Variants in KHDRBS2 observed in about 807,000 individuals in gnomAD.
The protein encoded by KHDRBS2 is KH domain-containing, RNA-binding, signal transduction-associated protein 2.
KHDRBS2 carries 26 observed loss-of-function variants against 44.3 expected under a neutral mutation model. The ratio of observed to expected loss-of-function variants is 0.59; its 90% confidence interval spans 0.43 to 0.81. The LOEUF (loss-of-function observed/expected upper bound fraction) is 0.81, where lower values mean the gene tolerates loss of function less well. KHDRBS2 is among the 40% of genes least tolerant of loss of function. The pLI, the probability that KHDRBS2 is intolerant of heterozygous loss-of-function variation, is 0.00. For missense variants in KHDRBS2, 476 were observed against 433.1 expected (o/e 1.10, Z -0.88); for synonymous variants, 194 against 151.1 (o/e 1.28, Z -2.08).
At chr6:61,622,940 C>G in the KHDRBS2 span, among the ~76,000 whole-genome samples, 1 of 151,924 alleles carries the variant, frequency 6.6e-6, no homozygotes, top group East Asian at 1.9e-4. Context: ...AGAAAGAGAG[C>G]CAATTTGGAG....
intron 4 of KHDRBS2, among the ~76,000 whole-genome samples, chr6:61,971,829 T>C (rs1771490303): frequency 6.6e-6 from 1 of 152,190 alleles, no homozygotes; most frequent in East Asian, 1.9e-4. Flanking sequence ...CCAATCTGGT[T>C]TCCCATTTCC....
At chr6:62,085,127 GA>G (rs1562820726) in intron 2 of KHDRBS2, among the ~76,000 whole-genome samples, 1 of 152,090 alleles carries the variant, frequency 6.6e-6, no homozygotes, top group African/African-American at 2.4e-5. Context: ...TACTCATTCT[GA>G]TATTAAGAAC....
intron 2 of KHDRBS2, among the ~76,000 whole-genome samples, chr6:62,080,051 C>T (rs895246646): frequency 6.6e-6 from 1 of 151,812 alleles, no homozygotes; most frequent in Admixed American, 6.6e-5. Flanking sequence ...AAATAAAATG[C>T]AAATTTAAAT....
chr6:61,938,200 T>A (rs528158802), intron 4 of KHDRBS2, among the ~76,000 whole-genome samples: 1 of 152,082 alleles, frequency 6.6e-6, no homozygotes, highest in Non-Finnish European at 1.5e-5. Flanking sequence ...AGAAAACACA[T>A]TTTTCAAAAA....
chr6:61,621,909 T>C, the KHDRBS2 span, among the ~76,000 whole-genome samples: 1 of 152,194 alleles, frequency 6.6e-6, no homozygotes, highest in Non-Finnish European at 1.5e-5. Context: ...ATTTAGGTAT[T>C]CTTTAGCACC....
At chr6:61,866,845 C>G (rs1400193877) in intron 6 of KHDRBS2, among the ~76,000 whole-genome samples, 6 of 152,204 alleles carry the variant, frequency 3.9e-5, no homozygotes, top group Non-Finnish European at 5.9e-5. Flanking sequence ...TAACAAGAGT[C>G]ACCTTTGCTC....
At chr6:62,255,638 A>G (rs1474209568) in intron 1 of KHDRBS2, among the ~76,000 whole-genome samples, 1 of 149,928 alleles carries the variant, frequency 6.7e-6, no homozygotes, top group Non-Finnish European at 1.5e-5. Flanking sequence ...ACACACACAC[A>G]CACACACACA....
Position 62,229,417 on chromosome 6 carries a change from C to T in KHDRBS2, c.92-52105G>A, listed in dbSNP as rs541393110. On this transcript the variant is annotated intron_variant, in intron 1 of 8. Transcript: ENST00000281156. ...ATAGAGATGGCTGCTGCCCTTCCCC[C>T]GCTCTGGGAGATTAGTGTGTTAGGC... 4.6e-5 allele frequency among the ~76,000 whole-genome samples: 7 copies of T among 152,276 alleles called. No homozygotes were observed. The South Asian group carries it at 6.2e-4, about 14-fold the overall frequency.
chr6:62,059,198 GTTTTTTTTTTTTTTTTTT>G (rs398001756), intron 2 of KHDRBS2, among the ~76,000 whole-genome samples: 22 of 24,876 alleles, frequency 8.8e-4, no homozygotes, highest in East Asian at 4.3e-3. Flanking sequence ...AAGTTAGGAA[GTTTTTTTTTTTTTTTTTT>G]TTTTTTTTTT....
intron 2 of KHDRBS2, among the ~76,000 whole-genome samples, chr6:62,095,103 C>A (rs1471561947): frequency 6.6e-6 from 1 of 151,578 alleles, no homozygotes; most frequent in African/African-American, 2.4e-5. Context: ...ATGAAGAATG[C>A]CATTGGTATT....
intron 1 of KHDRBS2, among the ~76,000 whole-genome samples, chr6:62,258,341 T>C (rs980713716): frequency 2.0e-5 from 3 of 152,068 alleles, no homozygotes; most frequent in African/African-American, 7.2e-5. Flanking sequence ...TTAATACGGA[T>C]ATTCTGGTGA....
chr6:62,232,943 T>G (rs1171667830), intron 1 of KHDRBS2, among the ~76,000 whole-genome samples: 3 of 151,952 alleles, frequency 2.0e-5, no homozygotes, highest in African/African-American at 7.3e-5. Flanking sequence ...AACCAAAGAG[T>G]AGCACTTACA....
chr6:61,999,519 G>GA (rs1777827395), intron 3 of KHDRBS2, among the ~76,000 whole-genome samples: 2 of 151,990 alleles, frequency 1.3e-5, no homozygotes, highest in Non-Finnish European at 2.9e-5. Flanking sequence ...ACATCCTTTG[G>GA]ATGTGTTATG....
chr6:61,934,317 G>A lies in KHDRBS2; in HGVS notation c.484-32946C>T, dbSNP rs12214125. Among the ~76,000 whole-genome samples, 468 of 152,054 alleles carry A rather than the reference G, an allele frequency of 3.1e-3. 7 individuals are homozygous for A. The highest frequency in any genetic ancestry group is 0.022 in the Admixed American group (339 of 15,264). On this transcript the variant is annotated intron_variant, in intron 4 of 8. Transcript: ENST00000281156. ...TTTTTGGTTAGATGTAATTCCATTC[G>A]TCTGTTTTTGCTTTTATTGCTTGTG...
chr6:62,058,795 C>T (rs759296016), intron 2 of KHDRBS2, among the ~76,000 whole-genome samples: 5 of 151,356 alleles, frequency 3.3e-5, no homozygotes, highest in Non-Finnish European at 5.9e-5. Context: ...CCCAGTGTAG[C>T]AAAATAGACA....
chr6:62,155,828 G>T (rs55845527), intron 2 of KHDRBS2, among the ~76,000 whole-genome samples: 1,612 of 152,222 alleles, frequency 0.011, 34 homozygotes, highest in African/African-American at 0.036. Context: ...GGTGAAAATG[G>T]GGTAAAAAAT....
chr6:61,589,200 T>A, the KHDRBS2 span, among the ~76,000 whole-genome samples: 1 of 152,002 alleles, frequency 6.6e-6, no homozygotes, highest in East Asian at 1.9e-4. Context: ...CTGTAACAAA[T>A]CTGCATGTTC....
chr6:62,004,354 A>G (rs1778828819), intron 3 of KHDRBS2, among the ~76,000 whole-genome samples: 1 of 152,182 alleles, frequency 6.6e-6, no homozygotes, highest in South Asian at 2.1e-4. Context: ...ACAAACTACC[A>G]TCAGATAATA....
intron 6 of KHDRBS2, among the ~76,000 whole-genome samples, chr6:61,833,736 T>C (rs1031164229): frequency 2.6e-5 from 4 of 152,180 alleles, no homozygotes; most frequent in African/African-American, 9.6e-5. Context: ...ATGGTTACAC[T>C]GAACTTGTGC....
Sources: allele counts gnomAD v4.1 joint callset (sites outside exome capture counted in the v4.1 genomes callset), GRCh38; gene constraint gnomAD v4.1.1; transcripts MANE v1.5; gene names NCBI Gene and HGNC (gene_info 2026-07-23, HGNC 2026-07-21).